The following EFNA5 variants were observed in gnomAD, a reference collection of about 807,000 sequenced individuals.
The protein encoded by EFNA5 is ephrin-A5.
A neutral mutation model predicts 22.9 loss-of-function variants in EFNA5; 5 were observed. The observed-to-expected ratio is 0.22, with a 90% CI of 0.11 to 0.46. The LOEUF (loss-of-function observed/expected upper bound fraction) is 0.46. Among genes scored for constraint, EFNA5 ranks in the 20% least tolerant of loss-of-function variants. EFNA5 has a pLI of 0.99. For missense variants in EFNA5, 237 were observed against 293.3 expected, an observed-to-expected ratio of 0.81 and a Z score of 1.40; for synonymous variants, 113 against 112.2, an observed-to-expected ratio of 1.01 and a Z score of -0.04.
intron 1 of EFNA5, among the ~76,000 whole-genome samples, chr5:107,655,556 A>G (rs1199099167): frequency 1.3e-5 from 2 of 152,152 alleles, no homozygotes; most frequent in South Asian, 2.1e-4. Context: ...GGTACAGCGC[A>G]TAAGGATCAT....
chr5:107,622,178 C>T (rs1750050543), intron 1 of EFNA5, among the ~76,000 whole-genome samples: 1 of 152,076 alleles, frequency 6.6e-6, no homozygotes, highest in African/African-American at 2.4e-5. Context: ...TTTTTCTATC[C>T]TGCTGCCTAG....
At chr5:107,607,287 C>T (rs1749743386) in intron 1 of EFNA5, among the ~76,000 whole-genome samples, 3 of 151,532 alleles carry the variant, frequency 2.0e-5, no homozygotes, top group Admixed American at 1.3e-4. Context: ...TCTCCCACCC[C>T]GGGTGGGAAG....
intron 1 of EFNA5, among the ~76,000 whole-genome samples, chr5:107,482,986 C>T (rs1484122371): frequency 1.3e-5 from 2 of 151,878 alleles, no homozygotes; most frequent in South Asian, 2.1e-4. Flanking sequence ...GTGTATTTCA[C>T]GCACTGGTGC....
At chr5:107,516,581 C>T (rs958094256) in intron 1 of EFNA5, among the ~76,000 whole-genome samples, 3 of 152,118 alleles carry the variant, frequency 2.0e-5, no homozygotes, top group African/African-American at 7.2e-5. Context: ...TCCCAAACTG[C>T]TTCTTTGATA....
chr5:107,548,696 T>G (rs1228981886), intron 1 of EFNA5, among the ~76,000 whole-genome samples: 1 of 152,202 alleles, frequency 6.6e-6, no homozygotes, highest in African/African-American at 2.4e-5. Flanking sequence ...ATCTGTTGTA[T>G]CAGTCCTTTG....
chr5:107,396,798 TC>T, intron 2 of EFNA5, among the ~76,000 whole-genome samples: 1 of 152,292 alleles, frequency 6.6e-6, no homozygotes, highest in East Asian at 1.9e-4. Flanking sequence ...AAGATCCTGT[TC>T]CTTTTGAAAA....
intron 1 of EFNA5, among the ~76,000 whole-genome samples, chr5:107,548,983 C>T (rs1414454292): frequency 6.6e-6 from 1 of 152,192 alleles, no homozygotes; most frequent in Non-Finnish European, 1.5e-5. Context: ...CTTACACATA[C>T]ACATTTTTGC....
rs551346682 is a variant in EFNA5, at chr5:107,597,783, A to C, written c.125+72706T>G. On this transcript the variant is annotated intron_variant, in intron 1 of 4. Transcript: ENST00000333274. Reference sequence around the variant, plus strand: ...AGATTTTCAACATGATAAAGGGGAAACGATATATATTCAATTTTTACAAGC... The same window carrying C: ...AGATTTTCAACATGATAAAGGGGAACCGATATATATTCAATTTTTACAAGC... Among the ~76,000 whole-genome samples the C allele has an allele frequency of 1.4e-4, 22 of 152,284 alleles. 1 individual carries two copies. Among genetic ancestry groups the C allele is most frequent in the Middle Eastern group, 3.4e-3 (1 of 294 alleles).
intron 2 of EFNA5, among the ~76,000 whole-genome samples, chr5:107,392,843 T>C (rs1276005461): frequency 2.0e-5 from 3 of 152,238 alleles, no homozygotes; most frequent in African/African-American, 7.2e-5. Context: ...GATCCCTTAC[T>C]AGTTTACATT....
intron 1 of EFNA5, among the ~76,000 whole-genome samples, chr5:107,633,298 T>C (rs530475186): frequency 6.6e-6 from 1 of 152,334 alleles, no homozygotes; most frequent in South Asian, 2.1e-4. Flanking sequence ...AGAGCCAGGA[T>C]GAGACATGCA....
chr5:107,585,590 G>T (rs1044863169), intron 1 of EFNA5, among the ~76,000 whole-genome samples: 1 of 152,198 alleles, frequency 6.6e-6, no homozygotes, highest in Non-Finnish European at 1.5e-5. Context: ...TTTTCAGAAG[G>T]AATCTGGATG....
chr5:107,453,212 T>A (rs1749605204), intron 1 of EFNA5, among the ~76,000 whole-genome samples: 1 of 152,172 alleles, frequency 6.6e-6, no homozygotes, highest in African/African-American at 2.4e-5. Flanking sequence ...GATAGAAAGA[T>A]GTGAAGGCTA....
At chr5:107,478,590 C>T (rs189561078) in intron 1 of EFNA5, among the ~76,000 whole-genome samples, 1 of 152,122 alleles carries the variant, frequency 6.6e-6, no homozygotes, top group East Asian at 1.9e-4. Context: ...AAAAGTCAGA[C>T]AGGAAAAAAT....
chr5:107,480,697 G>A (rs1310984522), intron 1 of EFNA5, among the ~76,000 whole-genome samples: 1 of 152,170 alleles, frequency 6.6e-6, no homozygotes, highest in East Asian at 1.9e-4. Context: ...TCCATGAGCA[G>A]GGCTGGGGAT....
chr5:107,499,849 C>CA (rs1327588270), intron 1 of EFNA5, among the ~76,000 whole-genome samples: 1 of 152,158 alleles, frequency 6.6e-6, no homozygotes, highest in Non-Finnish European at 1.5e-5. Context: ...ATAAATGCAT[C>CA]AGGTGCAAAT....
Position 107,381,394 on chromosome 5 carries a change from AC to A in EFNA5, c.566-19del. 2 of 1,595,210 alleles carry A rather than the reference AC, an allele frequency of 1.3e-6. No homozygotes were observed. The highest frequency in any genetic ancestry group is 1.7e-6 in the Non-Finnish European group (2 of 1,165,232). On this transcript the variant is annotated intron_variant, in intron 4 of 4. Coordinates refer to ENST00000333274, the MANE Select transcript of EFNA5 (RefSeq NM_001962.3). ...GGTGTCATCTGTTCAAATAGAAAGC[AC>A]ACATTCCAATGAGATTTCACATCCT...
chr5:107,640,137 AT>A (rs1750471368), intron 1 of EFNA5, among the ~76,000 whole-genome samples: 1 of 152,174 alleles, frequency 6.6e-6, no homozygotes, highest in African/African-American at 2.4e-5. Context: ...ACTTAACGCC[AT>A]TTTTTAATCT....
chr5:107,478,040 A>G (rs1750358535), intron 1 of EFNA5, among the ~76,000 whole-genome samples: 1 of 152,150 alleles, frequency 6.6e-6, no homozygotes, highest in Non-Finnish European at 1.5e-5. Flanking sequence ...GGAAGGAAAA[A>G]GCCTGACCAA....
intron 1 of EFNA5, among the ~76,000 whole-genome samples, chr5:107,448,771 A>G (rs1749463917): frequency 6.6e-6 from 1 of 151,792 alleles, no homozygotes; most frequent in South Asian, 2.1e-4. Context: ...TGGAGGTTGC[A>G]GTGAGACGAG....
Sources: allele counts gnomAD v4.1 joint callset (sites outside exome capture counted in the v4.1 genomes callset), GRCh38; gene constraint gnomAD v4.1.1; transcripts MANE v1.5; gene names NCBI Gene and HGNC (gene_info 2026-07-23, HGNC 2026-07-21).